Variants in TDRD12 observed in about 807,000 individuals in gnomAD.
The protein encoded by TDRD12 is tudor domain containing 12, also known as putative ATP-dependent RNA helicase TDRD12.
Under a neutral mutation model 133.5 loss-of-function variants are expected in TDRD12, and 158 were observed. The observed-to-expected ratio is 1.18, with a 90% CI of 1.04 to 1.35. TDRD12 has a LOEUF of 1.35. Among genes scored for constraint, TDRD12 ranks in the 40% most tolerant of loss-of-function variants. The pLI is 0.00. For synonymous variants in TDRD12, 460 were observed against 477.9 expected (o/e 0.96, Z 0.49); for missense variants, 1,443 against 1,321.3 (o/e 1.09, Z -1.43).
At chr19:32,755,692 C>T (rs568684493) in intron 6 of TDRD12, among the ~76,000 whole-genome samples, 5 of 152,314 alleles carry the variant, frequency 3.3e-5, no homozygotes, top group East Asian at 1.9e-4. Context: ...TTTGATGGTT[C>T]GTGTTTTGTC....
chr19:32,780,440 T>C (rs1970729757), intron 11 of TDRD12, among the ~76,000 whole-genome samples: 1 of 152,212 alleles, frequency 6.6e-6, no homozygotes, highest in Non-Finnish European at 1.5e-5. Context: ...TGAACAGCAA[T>C]GCATGTCGAA....
chr19:32,764,240 A>T (rs548071229), intron 8 of TDRD12, among the ~76,000 whole-genome samples: 314 of 150,870 alleles, frequency 2.1e-3, no homozygotes, highest in African/African-American at 7.4e-3. Context: ...CCTCCTGAGC[A>T]GCTGGGACTA....
intron 8 of TDRD12, among the ~76,000 whole-genome samples, chr19:32,759,921 C>T (rs116551023): frequency 1.9e-3 from 294 of 152,376 alleles, no homozygotes; most frequent in African/African-American, 6.7e-3. Context: ...GTGCTTGGCT[C>T]AGCGCCTGGC....
At chr19:32,769,169 C>G (rs892147640) in intron 8 of TDRD12, among the ~76,000 whole-genome samples, 2 of 152,180 alleles carry the variant, frequency 1.3e-5, no homozygotes, top group African/African-American at 4.8e-5. Flanking sequence ...TAAAGTCTAG[C>G]TAATCCTTTT....
chr19:32,806,716 G>A (rs1204667589), intron 21 of TDRD12, among the ~76,000 whole-genome samples: 1 of 151,972 alleles, frequency 6.6e-6, no homozygotes, highest in African/African-American at 2.4e-5. Flanking sequence ...GGGGTGCAGT[G>A]GCACCATCTT....
chr19:32,741,653 C>G (rs1440048345), intron 3 of TDRD12, among the ~76,000 whole-genome samples: 1 of 152,182 alleles, frequency 6.6e-6, no homozygotes, highest in Non-Finnish European at 1.5e-5. Flanking sequence ...GTGCAGCCAC[C>G]TTTCCCTAAC....
chr19:32,823,578 C>T (rs75270968), downstream of TDRD12, among the ~76,000 whole-genome samples: 2,541 of 152,180 alleles, frequency 0.017, 37 homozygotes, highest in Non-Finnish European at 0.028. Flanking sequence ...CCGAGTGGTA[C>T]GTGGGGGACT....
intron 1 of TDRD12, among the ~76,000 whole-genome samples, chr19:32,731,512 C>A (rs1034405208): frequency 6.6e-6 from 1 of 151,956 alleles, no homozygotes; most frequent in Non-Finnish European, 1.5e-5. Flanking sequence ...GACATCCGTT[C>A]GTTATTTGAG....
intron 6 of TDRD12, among the ~76,000 whole-genome samples, chr19:32,751,640 C>T (rs1969831385): frequency 6.6e-6 from 1 of 151,484 alleles, no homozygotes. Flanking sequence ...AGTACAGCGG[C>T]ACAATTGTAG....
At position 32,807,594 on chromosome 19, in the gene TDRD12, G is replaced by A. The variant is rs941334039; in HGVS notation, c.2598G>A (p.Thr866=). 5.2e-6 allele frequency: 8 copies of A among 1,535,090 alleles called. No individual in the cohort carries two copies. The African/African-American group carries it at 6.8e-5, about 13-fold the overall frequency. Reference sequence around the variant, plus strand: ...ACCGACACCGTATTAATCCAGAAACGGACTTGCCCAGGAAACTGTCCAGCC... The same window carrying A: ...ACCGACACCGTATTAATCCAGAAACAGACTTGCCCAGGAAACTGTCCAGCC... Residue 866 remains threonine (T), a synonymous_variant, in exon 22 of 28, where the codon ACG becomes ACA. Coordinates refer to ENST00000444215, the Ensembl canonical transcript of TDRD12.
chr19:32,821,848 AGAG>A (rs1967407438), downstream of TDRD12, among the ~76,000 whole-genome samples: 1 of 152,252 alleles, frequency 6.6e-6, no homozygotes, highest in Admixed American at 6.5e-5. Flanking sequence ...GCCTCAGCAA[AGAG>A]GAGGAGCTGG....
intron 6 of TDRD12, 118 bp downstream of exon 6, chr19:32,749,987 T>C: frequency 1.4e-6 from 1 of 726,356 alleles, no homozygotes; most frequent in South Asian, 2.2e-5. Context: ...TGTCTTAATC[T>C]CTTAAGGTCT....
At chr19:32,741,124 C>T (rs1969412210) in intron 3 of TDRD12, among the ~76,000 whole-genome samples, 1 of 152,154 alleles carries the variant, frequency 6.6e-6, no homozygotes. Context: ...ACTCTGTCTC[C>T]CAGGCTGGAA....
chr19:32,757,020 A>G lies in TDRD12; in HGVS notation c.773-18A>G. 1.3e-6 allele frequency: 2 copies of G among 1,544,118 alleles called. No homozygotes were observed. The highest frequency in any genetic ancestry group is 1.8e-6 in the Non-Finnish European group (2 of 1,140,192). On this transcript the variant is annotated intron_variant, in intron 7 of 27. Transcript: ENST00000444215. ...CTTTATTTCATGCTTTAATTCTGAA[A>G]TTTATTCTTTCTATCAGATTCACAT...
chr19:32,738,877 G>T lies in TDRD12; in HGVS notation c.205G>T (p.Glu69Ter). ...GCAGGTGTGTGTGGTCTATTGTGAGGAGCTAAAGTGCTGGTGCAGGGCCAT... is the reference window on the plus strand; with the variant it reads ...GCAGGTGTGTGTGGTCTATTGTGAGTAGCTAAAGTGCTGGTGCAGGGCCAT... The change falls in exon 3 of 28, where the codon GAG becomes TAG. Residue 69 changes from glutamate to a stop codon, truncating the protein, a stop_gained. Coordinates refer to ENST00000444215, the Ensembl canonical transcript of TDRD12. LOFTEE classifies it high-confidence loss of function. 6.4e-7 allele frequency: 1 copy of T among 1,551,292 alleles called. No individual in the cohort carries two copies. Among genetic ancestry groups the T allele is most frequent in the Middle Eastern group, 1.8e-4 (1 of 5,636 alleles).
chr19:32,745,949 TGAGA>T lies in TDRD12; in HGVS notation c.441-2516_441-2513del, dbSNP rs142160167. ...GATGTGGTTATTCTGTGTGTGTGTG[TGAGA>T]GAGAGAGAGACTGGCTGATGTGGTC... On this transcript the variant is annotated intron_variant, in intron 4 of 27. Transcript: ENST00000444215. 4.3e-5 allele frequency among the ~76,000 whole-genome samples: 5 copies of T among 115,352 alleles called. No individual in the cohort carries two copies. The East Asian group carries it at 1.1e-3, about 25-fold the overall frequency. 75.7% of individuals were successfully genotyped at this position (115,352 alleles called of 152,430 possible). A position where few individuals can be genotyped will look rare whatever the true frequency, so the allele number is the denominator to read the frequency against.
At chr19:32,822,825 TGAG>T (rs1229954898), downstream of TDRD12, among the ~76,000 whole-genome samples, 1 of 150,952 alleles carries the variant, frequency 6.6e-6, no homozygotes, top group Non-Finnish European at 1.5e-5. Flanking sequence ...AAAGGAGAGG[TGAG>T]GAGACCATTT....
In TDRD12 at chr19:32,826,443, AGTGCTT is replaced by A. The variant is rs1293158466; in HGVS notation, c.896_901del (p.Ser299_Trp301delinsArg). The stretch of plus-strand genomic sequence containing the variant: ...TGACTTTATTTCTTTTTATAAACCC[AGTGCTT>A]GGGTGGGAGACAAATTTTACCTGGC... On this transcript the variant is annotated splice_acceptor_variant and coding_sequence_variant, in exon 9 of 10. Coordinates refer to the TDRD12 transcript ENST00000637289. LOFTEE classifies it high-confidence loss of function. The A allele has an allele frequency of 8.0e-7, 1 of 1,248,748 alleles. No homozygotes were observed. Among genetic ancestry groups the A allele is most frequent in the Non-Finnish European group, 1.0e-6 (1 of 997,666 alleles). The allele number at this position is 1,248,748 out of a possible 1,614,324, so 77.4% of individuals were successfully genotyped here.
intron 2 of TDRD12, among the ~76,000 whole-genome samples, chr19:32,735,619 A>G (rs1479153473): frequency 6.6e-6 from 1 of 152,232 alleles, no homozygotes; most frequent in African/African-American, 2.4e-5. Context: ...GAGGTTTTCA[A>G]TGTATACAAG....
Sources: gnomAD v4.1 joint callset for allele counts (sites outside exome capture counted in the v4.1 genomes callset) on GRCh38, gnomAD v4.1.1 for gene constraint, MANE v1.5 for transcripts, NCBI Gene and HGNC (gene_info 2026-07-23, HGNC 2026-07-21) for gene names.